Variants in BNC2 observed in about 807,000 individuals in gnomAD.
The protein encoded by BNC2 is basonuclin zinc finger protein 2, also known as zinc finger protein basonuclin-2.
Under a neutral mutation model 76.3 loss-of-function variants are expected in BNC2, and 20 were observed. The observed-to-expected ratio is 0.26, with a 90% CI of 0.18 to 0.38. The LOEUF (loss-of-function observed/expected upper bound fraction) is 0.38, where lower values mean the gene tolerates loss of function less well. Among genes scored for constraint, BNC2 ranks in the 10% least tolerant of loss-of-function variants. BNC2 has a pLI of 1.00. For missense variants in BNC2, 1,382 were observed against 1,399.8 expected, an observed-to-expected ratio of 0.99 and a Z score of 0.20; for synonymous variants, 582 against 514.8, an observed-to-expected ratio of 1.13 and a Z score of -1.77.
Position 16,586,228 on chromosome 9 carries a change from T to C in BNC2, c.331-3143A>G, listed in dbSNP as rs188957469. 7.9e-5 allele frequency among the ~76,000 whole-genome samples: 12 copies of C among 152,222 alleles called. No homozygotes were observed. In the East Asian group the frequency reaches 1.9e-3, roughly 25 times the overall value. ...AGCTGAATGGAGGCAGCAGTGAAGA[T>C]GATCAGCATATCCCAACTCCCCAAG... On this transcript the variant is annotated intron_variant, in intron 3 of 6. Transcript: ENST00000380672.
chr9:16,524,070 C>T (rs1023319062), intron 5 of BNC2, among the ~76,000 whole-genome samples: 4 of 152,212 alleles, frequency 2.6e-5, no homozygotes, highest in Non-Finnish European at 5.9e-5. Context: ...CTTCTTCAAT[C>T]TCCACCTTTT....
chr9:16,435,855 T>A lies in BNC2; in HGVS notation c.2339A>T (p.Asp780Val). The change falls in exon 6 of 7, where the codon GAC (aspartate) becomes GTC (valine). Residue 780 changes from aspartate to valine, a missense_variant. Asp to Val is a radical substitution (Grantham distance 152, BLOSUM62 -3). Coordinates refer to ENST00000380672, the MANE Select transcript of BNC2 (RefSeq NM_017637.6). ...DVIKVKEEFTDPTYDMFYMSQ... is the reference protein window; with the variant it reads ...DVIKVKEEFTVPTYDMFYMSQ... ...CATGTAAAACATGTCGTAAGTGGGG[T>A]CTGTAAATTCTTCCTTCACCTTGAT... The A allele has an allele frequency of 6.2e-7, 1 of 1,613,560 alleles. No individual in the cohort carries two copies. Among genetic ancestry groups the A allele is most frequent in the Non-Finnish European group, 8.5e-7 (1 of 1,179,620 alleles).
At chr9:16,695,421 T>A (rs1209077085) in intron 3 of BNC2, among the ~76,000 whole-genome samples, 1 of 152,124 alleles carries the variant, frequency 6.6e-6, no homozygotes, top group Admixed American at 6.5e-5. Context: ...CTTCTGAATA[T>A]CTCTAGAACA....
rs989307793 is a variant in BNC2 at position 16,452,555 on chromosome 9, G to A, written c.670-15031C>T. Among the ~76,000 whole-genome samples, 8 of 152,032 alleles carry A rather than the reference G, an allele frequency of 5.3e-5. No individual in the cohort carries two copies. In the South Asian group the frequency reaches 1.0e-3, roughly 20 times the overall value. ...CTCCCAAGTAGCTGGGATTATAGAC[G>A]CCTGCTGCCATGCCCGGCTAATTTT... On this transcript the variant is annotated intron_variant, in intron 5 of 6. Transcript: ENST00000380672.
chr9:16,615,804 T>A (rs1820680796), intron 3 of BNC2, among the ~76,000 whole-genome samples: 1 of 152,146 alleles, frequency 6.6e-6, no homozygotes, highest in African/African-American at 2.4e-5. Context: ...AAATTTTTCT[T>A]CCTCTATAAT....
intron 3 of BNC2, among the ~76,000 whole-genome samples, chr9:16,587,392 TA>T (rs1819802837): frequency 6.6e-6 from 1 of 152,132 alleles, no homozygotes; most frequent in Non-Finnish European, 1.5e-5. Context: ...AATCCTGAGC[TA>T]CGATTCCATT....
chr9:16,555,286 G>A (rs1818792054), intron 4 of BNC2, among the ~76,000 whole-genome samples: 1 of 151,908 alleles, frequency 6.6e-6, no homozygotes, highest in Non-Finnish European at 1.5e-5. Context: ...GCCTCCCAAA[G>A]TGCCGGGATT....
At chr9:16,689,872 A>G (rs1258925588) in intron 3 of BNC2, among the ~76,000 whole-genome samples, 1 of 152,192 alleles carries the variant, frequency 6.6e-6, no homozygotes, top group African/African-American at 2.4e-5. Context: ...ATTTGACAAT[A>G]AGCTCACCAG....
chr9:16,693,352 G>A (rs1823239518), intron 3 of BNC2, among the ~76,000 whole-genome samples: 1 of 152,090 alleles, frequency 6.6e-6, no homozygotes, highest in Non-Finnish European at 1.5e-5. Context: ...CTCTGGGGGT[G>A]GGCAGCACAC....
chr9:16,668,941 T>G (rs1237327912), intron 3 of BNC2, among the ~76,000 whole-genome samples: 1 of 152,224 alleles, frequency 6.6e-6, no homozygotes, highest in Non-Finnish European at 1.5e-5. Flanking sequence ...TGGATCAATC[T>G]GTATGTGAGT....
At chr9:16,508,864 C>T (rs188551920) in intron 5 of BNC2, among the ~76,000 whole-genome samples, 7 of 150,218 alleles carry the variant, frequency 4.7e-5, no homozygotes, top group Admixed American at 2.0e-4. Context: ...GCTCTGTCAC[C>T]GAGGCTGGGG....
chr9:16,506,024 CT>C (rs1266352349), intron 5 of BNC2, among the ~76,000 whole-genome samples: 2 of 152,126 alleles, frequency 1.3e-5, no homozygotes, highest in African/African-American at 4.8e-5. Flanking sequence ...AGTCCAAAGA[CT>C]TAGTAAGAAG....
At chr9:16,804,743 T>C (rs1365737227) in intron 1 of BNC2, among the ~76,000 whole-genome samples, 1 of 152,078 alleles carries the variant, frequency 6.6e-6, no homozygotes, top group Non-Finnish European at 1.5e-5. Flanking sequence ...TTTCACTGCT[T>C]GGGGGAGATC....
rs148070790 is a variant in BNC2 at position 16,759,914 on chromosome 9, G to A, written c.4-21429C>T. Among the ~76,000 whole-genome samples the A allele has an allele frequency of 9.5e-3, 1,452 of 152,110 alleles. 17 individuals carry two copies. The highest frequency in any genetic ancestry group is 0.033 in the African/African-American group (1,386 of 41,500). ...AATTTTTTGTATTTTCAGTAGAGAC[G>A]GGGTTTCACCGCATTAGCCAGGACG... On this transcript the variant is annotated intron_variant, in intron 1 of 6. Coordinates refer to ENST00000380672, the MANE Select transcript of BNC2 (RefSeq NM_017637.6).
chr9:16,665,769 A>G (rs994240067), intron 3 of BNC2, among the ~76,000 whole-genome samples: 5 of 152,340 alleles, frequency 3.3e-5, no homozygotes, highest in African/African-American at 1.2e-4. Flanking sequence ...AGTTAGTATC[A>G]TTACAAACAT....
chr9:16,470,089 CCGGGTTCATGCCATTCTCCTGCCTCA>C (rs1310934904), intron 5 of BNC2, among the ~76,000 whole-genome samples: 2 of 150,418 alleles, frequency 1.3e-5, no homozygotes, highest in African/African-American at 2.5e-5. Flanking sequence ...GCTCTGCCTC[CCGGGTTCATGCCATTCTCCTGCCTCA>C]GCCTCCTGAG....
At chr9:16,636,874 G>A (rs1184724214) in intron 3 of BNC2, among the ~76,000 whole-genome samples, 1 of 151,914 alleles carries the variant, frequency 6.6e-6, no homozygotes, top group Non-Finnish European at 1.5e-5. Context: ...GAGTGTTCAT[G>A]CAAAATCTAG....
At position 16,581,920 on chromosome 9, in the gene BNC2, C is replaced by T. The variant is rs1205481939; in HGVS notation, c.433+1063G>A. ...TCCCGGGTATTCCTCTCAGAGTACT[C>T]TCTCTCACAGAAACATGGCTGAAAT... On this transcript the variant is annotated intron_variant, in intron 4 of 6. Coordinates refer to ENST00000380672, the MANE Select transcript of BNC2 (RefSeq NM_017637.6). Among the ~76,000 whole-genome samples the T allele has an allele frequency of 2.0e-5, 3 of 152,070 alleles. No homozygotes were observed. In the East Asian group the frequency reaches 5.8e-4, roughly 29 times the overall value.
chr9:16,683,054 T>C (rs1822871172), intron 3 of BNC2, among the ~76,000 whole-genome samples: 1 of 152,178 alleles, frequency 6.6e-6, no homozygotes. Flanking sequence ...AATCAAAATC[T>C]TGATTTCCAG....
Sources: gnomAD v4.1 joint callset for allele counts (sites outside exome capture counted in the v4.1 genomes callset) on GRCh38, gnomAD v4.1.1 for gene constraint, MANE v1.5 for transcripts, NCBI Gene and HGNC (gene_info 2026-07-23, HGNC 2026-07-21) for gene names.